The following H3-4 variants were observed in gnomAD, a reference collection of about 807,000 sequenced individuals.
H3-4 encodes the protein histone H3.1t.
A neutral mutation model predicts 3.8 loss-of-function variants in H3-4; 6 were observed. That is an observed-to-expected ratio of 1.59 (90% CI 0.87 to 3.13). The LOEUF (loss-of-function observed/expected upper bound fraction) is 3.13. Among genes scored for constraint, H3-4 ranks in the 30% most tolerant of loss-of-function variants. The pLI, the probability that H3-4 is intolerant of heterozygous loss-of-function variation, is 0.00. For missense variants in H3-4, 298 were observed against 202.4 expected, an observed-to-expected ratio of 1.47 and a Z score of -2.87; for synonymous variants, 138 against 86.5, an observed-to-expected ratio of 1.60 and a Z score of -3.30.
rs753636972 is a variant in H3-4 at position 228,425,084 on chromosome 1, G to T, written c.242C>A (p.Thr81Asn). 2.5e-6 allele frequency: 4 copies of T among 1,614,282 alleles called. No individual in the cohort carries two copies. In the South Asian group the frequency reaches 4.4e-5, roughly 18 times the overall value. The change falls in exon 1 of 1, where the codon ACC (threonine) becomes AAC (asparagine). Residue 81 changes from threonine (T) to asparagine (N), a missense_variant. Coordinates refer to ENST00000366696, the MANE Select transcript of H3-4 (RefSeq NM_003493.3). ...GGCCGAGCTCTGGAAGCGCAGGTCGGTCTTAAAGTCCTGAGCGATCTCGCG... is the reference window on the plus strand; with the variant it reads ...GGCCGAGCTCTGGAAGCGCAGGTCGTTCTTAAAGTCCTGAGCGATCTCGCG... ...LMREIAQDFK[T>N]DLRFQSSAVM...
chr1:228,425,055 T>C lies in H3-4; in HGVS notation c.271A>G (p.Met91Val). Reference sequence around the variant, plus strand: ...GACTCGCACGCCTCCTGCAGCGCCATCACGGCCGAGCTCTGGAAGCGCAGG... The same window carrying C: ...GACTCGCACGCCTCCTGCAGCGCCACCACGGCCGAGCTCTGGAAGCGCAGG... The part of the protein sequence containing the change: ...TDLRFQSSAV[M>V]ALQEACESYL... The change falls in exon 1 of 1, where the codon ATG becomes GTG. Residue 91 changes from methionine (M) to valine (V), a missense_variant. Physicochemically the swap from Met to Val is conservative, Grantham distance 21. Transcript: ENST00000366696. The C allele has an allele frequency of 6.2e-7, 1 of 1,614,260 alleles. No individual in the cohort carries two copies. The highest frequency in any genetic ancestry group is 8.5e-7 in the Non-Finnish European group (1 of 1,180,050).
chr1:228,424,969 G>A lies in H3-4; in HGVS notation c.357C>T (p.Thr119=). 1.9e-6 allele frequency: 3 copies of A among 1,614,202 alleles called. No individual in the cohort carries two copies. Among genetic ancestry groups the A allele is most frequent in the Non-Finnish European group, 2.5e-6 (3 of 1,180,038 alleles). Residue 119 remains threonine (T), a synonymous_variant, in exon 1 of 1, where the codon ACC becomes ACT. Coordinates refer to ENST00000366696, the MANE Select transcript of H3-4 (RefSeq NM_003493.3). The part of the protein sequence containing the change: ...NLCVIHAKRV[T]IMPKDIQLAR... ...CCAGCTGGATGTCCTTAGGCATGAT[G>A]GTGACCCGTTTGGCATGGATGACAC...
In H3-4 at chr1:228,425,186, ACCGTG is replaced by A; in HGVS notation, c.135_139del (p.Thr46GlyfsTer13). ...GTAGCGGCGGATCTCGCGAAGCGCCACCGTGCCGGGCCGGTAGCGGTGCGGCTTCT... is the reference window on the plus strand; with the variant it reads ...GTAGCGGCGGATCTCGCGAAGCGCCACCGGGCCGGTAGCGGTGCGGCTTCT... On this transcript the variant is annotated frameshift_variant, in exon 1 of 1. Transcript: ENST00000366696. LOFTEE classifies it high-confidence loss of function. 1.9e-6 allele frequency: 3 copies of A among 1,614,116 alleles called. No individual in the cohort carries two copies. Among genetic ancestry groups the A allele is most frequent in the Admixed American group, 1.7e-5 (1 of 60,032 alleles).
chr1:228,425,157 T>G lies in H3-4; in HGVS notation c.169A>C (p.Lys57Gln). The G allele has an allele frequency of 1.9e-6, 3 of 1,613,998 alleles. No homozygotes were observed. The highest frequency in any genetic ancestry group is 1.6e-4 in the Middle Eastern group (1 of 6,062). Residue 57 changes from lysine (K) to glutamine (Q), a missense_variant, in exon 1 of 1, where the codon AAG (lysine) becomes CAG (glutamine). Coordinates refer to ENST00000366696, the MANE Select transcript of H3-4 (RefSeq NM_003493.3). Reference sequence around the variant, plus strand: ...TTGCGGATTAGCAGCTCAGTGGACTTCTGGTAGCGGCGGATCTCGCGAAGC... The same window carrying G: ...TTGCGGATTAGCAGCTCAGTGGACTGCTGGTAGCGGCGGATCTCGCGAAGC... ...VALREIRRYQ[K>Q]STELLIRKLP...
Position 228,425,113 on chromosome 1 carries a change from C to G in H3-4, c.213G>C (p.Leu71=), listed in dbSNP as rs953360160. Residue 71 remains leucine, a synonymous_variant, in exon 1 of 1, where the codon CTG becomes CTC. Transcript: ENST00000366696. ...TAAAGTCCTGAGCGATCTCGCGCAT[C>G]AGCCGCTGGAAGGGCAACTTGCGGA... ...LLIRKLPFQR[L]MREIAQDFKT... 2 of 1,613,950 alleles carry G rather than the reference C, an allele frequency of 1.2e-6. No homozygotes were observed. The highest frequency in any genetic ancestry group is 2.7e-5 in the African/African-American group (2 of 74,958).
rs1001607156 is a variant in H3-4, at chr1:228,425,038, C to A, written c.288G>T (p.Ala96=). 3 of 1,614,280 alleles carry A rather than the reference C, an allele frequency of 1.9e-6. No individual in the cohort carries two copies. In the Admixed American group the frequency reaches 5.0e-5, roughly 27 times the overall value. ...QSSAVMALQE[A]CESYLVGLFE... ...ACAGCCCCACCAGGTAAGACTCGCACGCCTCCTGCAGCGCCATCACGGCCG... is the reference window on the plus strand; with the variant it reads ...ACAGCCCCACCAGGTAAGACTCGCAAGCCTCCTGCAGCGCCATCACGGCCG... Residue 96 remains alanine, a synonymous_variant, in exon 1 of 1, where the codon GCG becomes GCT. Coordinates refer to ENST00000366696, the MANE Select transcript of H3-4 (RefSeq NM_003493.3).
Position 228,425,229 on chromosome 1 carries a change from T to C in H3-4, c.97A>G (p.Thr33Ala), listed in dbSNP as rs1273784037. The change falls in exon 1 of 1, where the codon ACT becomes GCT. Residue 33 changes from threonine (T) to alanine (A), a missense_variant. Transcript: ENST00000366696. ...TKVARKSAPA[T>A]GGVKKPHRYR... ...CGGTGCGGCTTCTTCACGCCGCCAG[T>C]GGCAGGTGCGCTCTTGCGAGCCACC... 6 of 1,613,462 alleles carry C rather than the reference T, an allele frequency of 3.7e-6. No homozygotes were observed. The highest frequency in any genetic ancestry group is 5.1e-6 in the Non-Finnish European group (6 of 1,179,698).
chr1:228,424,922 C>T lies in H3-4; in HGVS notation c.404G>A (p.Arg135Gln), dbSNP rs1277450211. 1 of 1,614,070 alleles carries T rather than the reference C, an allele frequency of 6.2e-7. No individual in the cohort carries two copies. The highest frequency in any genetic ancestry group is 8.5e-7 in the Non-Finnish European group (1 of 1,179,990). The change falls in exon 1 of 1, where the codon CGG becomes CAG. Residue 135 changes from arginine (R) to glutamine (Q), a missense_variant. Physicochemically the swap from Arg to Gln is conservative, Grantham distance 43. Coordinates refer to ENST00000366696, the MANE Select transcript of H3-4 (RefSeq NM_003493.3). ...IQLARRIRGE[R>Q]A ...GGTGGCGAGATAGCCCTCCTAGGCC[C>T]GCTCCCCGCGGATACGGCGTGCCAG... is the stretch of plus-strand genomic sequence containing the variant.
chr1:228,424,875 G>T lies in H3-4; in HGVS notation c.*40C>A. The T allele has an allele frequency of 1.2e-6, 2 of 1,613,398 alleles. No homozygotes were observed. The highest frequency in any genetic ancestry group is 1.1e-5 in the South Asian group (1 of 91,070). On this transcript the variant is annotated 3_prime_UTR_variant, in exon 1 of 1. Coordinates refer to ENST00000366696, the MANE Select transcript of H3-4 (RefSeq NM_003493.3). ...GGTGGCTCTTAAAAGAGCCTTTGGG[G>T]TGAACGTTGCGCAACCTCTCAGGTG...
At position 228,425,142 on chromosome 1, in the gene H3-4, G is replaced by A. The variant is rs771419290; in HGVS notation, c.184C>T (p.Leu62=). 9.3e-6 allele frequency: 15 copies of A among 1,613,926 alleles called. No individual in the cohort carries two copies. Among genetic ancestry groups the A allele is most frequent in the South Asian group, 4.4e-5 (4 of 91,074 alleles). ...IRRYQKSTEL[L]IRKLPFQRLM... is the part of the protein sequence containing the mutation. ...CGCTGGAAGGGCAACTTGCGGATTAGCAGCTCAGTGGACTTCTGGTAGCGG... is the reference window on the plus strand; with the variant it reads ...CGCTGGAAGGGCAACTTGCGGATTAACAGCTCAGTGGACTTCTGGTAGCGG... The change falls in exon 1 of 1, where the codon CTA becomes TTA. Residue 62 remains leucine, a synonymous_variant. Coordinates refer to ENST00000366696, the MANE Select transcript of H3-4 (RefSeq NM_003493.3).
Position 228,425,034 on chromosome 1 carries a change from C to A in H3-4, c.292G>T (p.Glu98Ter), listed in dbSNP as rs201439742. Reference sequence around the variant, plus strand: ...TCAAACAGCCCCACCAGGTAAGACTCGCACGCCTCCTGCAGCGCCATCACG... The same window carrying A: ...TCAAACAGCCCCACCAGGTAAGACTAGCACGCCTCCTGCAGCGCCATCACG... Reference protein sequence around the residue: ...SAVMALQEACESYLVGLFEDT... With the variant: ...SAVMALQEAC The change falls in exon 1 of 1, where the codon GAG becomes TAG. Residue 98 changes from glutamate (E) to a stop codon, truncating the protein, a stop_gained. Transcript: ENST00000366696. LOFTEE classifies it high-confidence loss of function. 1 of 1,614,270 alleles carries A rather than the reference C, an allele frequency of 6.2e-7. No individual in the cohort carries two copies.
rs752725358 is a variant in H3-4 at position 228,425,216 on chromosome 1, T to C, written c.110A>G (p.Lys37Arg). The C allele has an allele frequency of 4.3e-6, 7 of 1,613,628 alleles. No homozygotes were observed. The Middle Eastern group carries it at 4.9e-4, about 114-fold the overall frequency. The change falls in exon 1 of 1, where the codon AAG becomes AGG. Residue 37 changes from lysine to arginine, a missense_variant. By Grantham distance (26) the Lys-to-Arg change is conservative. Transcript: ENST00000366696. Reference protein sequence around the residue: ...RKSAPATGGVKKPHRYRPGTV... With the variant: ...RKSAPATGGVRKPHRYRPGTV... The stretch of plus-strand genomic sequence containing the variant: ...GCCGGGCCGGTAGCGGTGCGGCTTC[T>C]TCACGCCGCCAGTGGCAGGTGCGCT...
Position 228,424,892 on chromosome 1 carries a change from T to G in H3-4, c.*23A>C. 1.9e-6 allele frequency: 3 copies of G among 1,614,076 alleles called. No individual in the cohort carries two copies. In the South Asian group the frequency reaches 3.3e-5, roughly 18 times the overall value. On this transcript the variant is annotated 3_prime_UTR_variant, in exon 1 of 1. Transcript: ENST00000366696. Reference sequence around the variant, plus strand: ...CCTTTGGGGTGAACGTTGCGCAACCTCTCAGGTGGCGAGATAGCCCTCCTA... The same window carrying G: ...CCTTTGGGGTGAACGTTGCGCAACCGCTCAGGTGGCGAGATAGCCCTCCTA...
At position 228,424,972 on chromosome 1, in the gene H3-4, G is replaced by A. The variant is rs771129689; in HGVS notation, c.354C>T (p.Val118=). The A allele has an allele frequency of 1.2e-6, 2 of 1,614,198 alleles. No homozygotes were observed. Among genetic ancestry groups the A allele is most frequent in the Non-Finnish European group, 8.5e-7 (1 of 1,180,034 alleles). ...TNLCVIHAKR[V]TIMPKDIQLA... is the part of the protein sequence containing the mutation. Reference sequence around the variant, plus strand: ...GCTGGATGTCCTTAGGCATGATGGTGACCCGTTTGGCATGGATGACACACA... The same window carrying A: ...GCTGGATGTCCTTAGGCATGATGGTAACCCGTTTGGCATGGATGACACACA... The change falls in exon 1 of 1, where the codon GTC becomes GTT. Residue 118 remains valine, a synonymous_variant. Transcript: ENST00000366696.
Position 228,425,018 on chromosome 1 carries a change from CCCA to C in H3-4, c.305_307del (p.Val102del), listed in dbSNP as rs1368673763. 3 of 1,614,132 alleles carry C rather than the reference CCCA, an allele frequency of 1.9e-6. No individual in the cohort carries two copies. The African/African-American group carries it at 4.0e-5, about 22-fold the overall frequency. On this transcript the variant is annotated inframe_deletion, in exon 1 of 1. Transcript: ENST00000366696. ...ACACAGGTTGGTGTCCTCAAACAGC[CCCA>C]CCAGGTAAGACTCGCACGCCTCCTG...
chr1:228,425,220 C>G lies in H3-4; in HGVS notation c.106G>C (p.Val36Leu). ...ARKSAPATGGVKKPHRYRPGT... is the reference protein window; with the variant it reads ...ARKSAPATGGLKKPHRYRPGT... ...GGCCGGTAGCGGTGCGGCTTCTTCACGCCGCCAGTGGCAGGTGCGCTCTTG... is the reference window on the plus strand; with the variant it reads ...GGCCGGTAGCGGTGCGGCTTCTTCAGGCCGCCAGTGGCAGGTGCGCTCTTG... The change falls in exon 1 of 1, where the codon GTG (valine) becomes CTG (leucine). Residue 36 changes from valine (V) to leucine (L), a missense_variant. Val to Leu is a conservative substitution (Grantham distance 32, BLOSUM62 1). Coordinates refer to ENST00000366696, the MANE Select transcript of H3-4 (RefSeq NM_003493.3). 6.2e-7 allele frequency: 1 copy of G among 1,613,720 alleles called. No homozygotes were observed. Among genetic ancestry groups the G allele is most frequent in the Non-Finnish European group, 8.5e-7 (1 of 1,179,744 alleles).
Position 228,424,851 on chromosome 1 carries a change from G to A in H3-4, c.*64C>T. 6.3e-7 allele frequency: 1 copy of A among 1,589,698 alleles called. No homozygotes were observed. Among genetic ancestry groups the A allele is most frequent in the Non-Finnish European group, 8.6e-7 (1 of 1,157,938 alleles). On this transcript the variant is annotated 3_prime_UTR_variant, in exon 1 of 1. Coordinates refer to ENST00000366696, the MANE Select transcript of H3-4 (RefSeq NM_003493.3). ...CTACAGCAACTCTTCGACCAGGTGG[G>A]TGGCTCTTAAAAGAGCCTTTGGGGT...
chr1:228,425,285 C>G lies in H3-4; in HGVS notation c.41G>C (p.Gly14Ala). 6.2e-7 allele frequency: 1 copy of G among 1,613,894 alleles called. No homozygotes were observed. Among genetic ancestry groups the G allele is most frequent in the Admixed American group, 1.7e-5 (1 of 60,014 alleles). The change falls in exon 1 of 1, where the codon GGC becomes GCC. Residue 14 changes from glycine (G) to alanine (A), a missense_variant. Transcript: ENST00000366696. ...GGCCAGCTGCTTGCGCGGCGCCTTG[C>G]CACCCGTTGACTTGCGCGCAGTCTG... is the stretch of plus-strand genomic sequence containing the variant. ...TKQTARKSTGGKAPRKQLATK... is the reference protein window; with the variant it reads ...TKQTARKSTGAKAPRKQLATK...
At position 228,425,317 on chromosome 1, in the gene H3-4, T is replaced by G. The variant is rs769976584; in HGVS notation, c.9A>C (p.Arg3=). 3.1e-6 allele frequency: 5 copies of G among 1,613,892 alleles called. No individual in the cohort carries two copies. The South Asian group carries it at 4.4e-5, about 14-fold the overall frequency. ...TTGACTTGCGCGCAGTCTGCTTGGT[T>G]CGGGCCATGAATCCGAAACTGTTGG... The part of the protein sequence containing the change: MA[R]TKQTARKSTG... The change falls in exon 1 of 1, where the codon CGA becomes CGC. Residue 3 remains arginine (R), a synonymous_variant. Coordinates refer to ENST00000366696, the MANE Select transcript of H3-4 (RefSeq NM_003493.3).
Sources: gnomAD v4.1 joint callset for allele counts on GRCh38, gnomAD v4.1.1 for gene constraint, MANE v1.5 for transcripts, NCBI Gene and HGNC (gene_info 2026-07-23, HGNC 2026-07-21) for gene names.